The following BACH2 variants were observed in gnomAD, a reference collection of about 807,000 sequenced individuals.
BACH2 encodes BACH transcriptional regulator 2, also known as transcription regulator protein BACH2.
In BACH2, 5 loss-of-function variants were observed where a neutral mutation model predicts 61.8. That is an observed-to-expected ratio of 0.08 (90% confidence interval 0.04 to 0.17). The LOEUF (loss-of-function observed/expected upper bound fraction) is 0.17, where lower values mean the gene tolerates loss of function less well. BACH2 is among the 10% of genes least tolerant of loss of function. The probability of loss-of-function intolerance (pLI) is 1.00; values close to 1 mark genes in which losing one functional copy is unlikely to be tolerated. For synonymous variants in BACH2, 446 were observed against 440.1 expected, an observed-to-expected ratio of 1.01 and a Z score of -0.17; for missense variants, 824 against 1,091.1, an observed-to-expected ratio of 0.76 and a Z score of 3.45.
intron 5 of BACH2, chr6:90,080,730 C>CTT: frequency 1.0e-6 from 1 of 982,352 alleles, no homozygotes; most frequent in Non-Finnish European, 1.2e-6. Context: ...AAACAAAAGG[C>CTT]GTCAACCCTG....
At chr6:90,060,040 G>A (rs984419856) in intron 5 of BACH2, among the ~76,000 whole-genome samples, 8 of 150,938 alleles carry the variant, frequency 5.3e-5, no homozygotes, top group Non-Finnish European at 1.2e-4. Flanking sequence ...ACGAGTTAAT[G>A]GGTGCAGCAC....
In BACH2 at chr6:90,268,014, T is replaced by G. The variant is rs531016928; in HGVS notation, c.-353+3835A>C. ...TTTTCTGCACTTGCCTTTTTTGTTT[T>G]TTTTTTTTTTTCAAGACAGGGTCTT... On this transcript the variant is annotated intron_variant, in intron 2 of 8. Transcript: ENST00000257749. Among the ~76,000 whole-genome samples the G allele has an allele frequency of 2.0e-5, 3 of 151,220 alleles. No homozygotes were observed. In the East Asian group the frequency reaches 5.8e-4, roughly 29 times the overall value.
intron 6 of BACH2, among the ~76,000 whole-genome samples, chr6:89,986,135 G>T (rs1776224406): frequency 6.6e-6 from 1 of 152,206 alleles, no homozygotes; most frequent in Non-Finnish European, 1.5e-5. Flanking sequence ...CCTGCCTGTG[G>T]AGGGGATGGG....
Position 89,951,698 on chromosome 6 carries a change from A to G in BACH2, c.408T>C (p.Ser136=), listed in dbSNP as rs759074246. The G allele has an allele frequency of 8.7e-6, 14 of 1,613,984 alleles. No individual in the cohort carries two copies. The highest frequency in any genetic ancestry group is 1.7e-5 in the Admixed American group (1 of 59,996). ...FSFLQTQLLN[S]EDGLFVCRKD... ...TCCGGCACACAAACAGGCCATCCTCACTGTTCAGGAGCTGGGTCTGCAGGA... is the reference window on the plus strand; with the variant it reads ...TCCGGCACACAAACAGGCCATCCTCGCTGTTCAGGAGCTGGGTCTGCAGGA... Residue 136 remains serine (S), a synonymous_variant, in exon 7 of 9, where the codon AGT becomes AGC. Transcript: ENST00000257749. This position sits in a 1 kb window ranked among gnomAD's most constrained non-coding sequence, Gnocchi z 6.4.
intron 4 of BACH2, among the ~76,000 whole-genome samples, chr6:90,107,664 T>G (rs1363101270): frequency 3.1e-5 from 1 of 32,638 alleles, no homozygotes; most frequent in Non-Finnish European, 5.7e-5. Flanking sequence ...CTATTTGTGA[T>G]TTTTTTTTTT....
intron 6 of BACH2, among the ~76,000 whole-genome samples, chr6:89,997,438 C>T (rs1776910846): frequency 6.6e-6 from 1 of 152,190 alleles, no homozygotes; most frequent in South Asian, 2.1e-4. Context: ...ATCTTTCCAC[C>T]TTCCTATTTG....
chr6:89,943,221 C>T (rs1425604721), intron 7 of BACH2, among the ~76,000 whole-genome samples: 1 of 152,046 alleles, frequency 6.6e-6, no homozygotes, highest in Admixed American at 6.5e-5. Context: ...ACATATGTCT[C>T]CTTGCATGCT....
intron 3 of BACH2, among the ~76,000 whole-genome samples, chr6:90,226,124 G>A (rs949916450): frequency 1.3e-5 from 2 of 152,138 alleles, no homozygotes; most frequent in Non-Finnish European, 2.9e-5. Context: ...AGAAAAAGGG[G>A]TGAAACCAGG....
intron 4 of BACH2, among the ~76,000 whole-genome samples, chr6:90,159,699 T>C (rs565645004): frequency 1.2e-4 from 19 of 152,290 alleles, no homozygotes; most frequent in African/African-American, 4.3e-4. Flanking sequence ...GCTATTGTGG[T>C]AACCAGGAGA....
At chr6:90,228,099 T>C (rs551993228) in intron 3 of BACH2, among the ~76,000 whole-genome samples, 1 of 152,388 alleles carries the variant, frequency 6.6e-6, no homozygotes. Context: ...TCCAGTACAT[T>C]TGCAAACTTG....
At chr6:89,982,679 C>T (rs956365832) in intron 6 of BACH2, among the ~76,000 whole-genome samples, 9 of 152,184 alleles carry the variant, frequency 5.9e-5, no homozygotes, top group South Asian at 2.1e-4. Context: ...TTATAAAACA[C>T]GATTTTCCTA....
rs1382700688 is a variant in BACH2 at position 90,195,750 on chromosome 6, T to TCAG, written c.-162+10816_-162+10818dup. On this transcript the variant is annotated intron_variant, in intron 4 of 8. Coordinates refer to ENST00000257749, the MANE Select transcript of BACH2 (RefSeq NM_021813.4). ...TCTCTCTTTTTCAACAGCATGGCTC[T>TCAG]CAGCAGCAGCACATTAAAATCAAAT... Among the ~76,000 whole-genome samples, 6 of 152,338 alleles carry TCAG rather than the reference T, an allele frequency of 3.9e-5. No homozygotes were observed. In the East Asian group the frequency reaches 9.6e-4, roughly 24 times the overall value.
At position 89,930,326 on chromosome 6, in the gene BACH2, G is replaced by T. The variant is rs1772573326; in HGVS notation, c.*2082C>A. On this transcript the variant is annotated 3_prime_UTR_variant, in exon 9 of 9. Transcript: ENST00000257749. ...AACATTTAGTGCTAATATTTGTACA[G>T]AAAAAAGTTAATAATACTAAAACAT... The T allele has an allele frequency of 7.5e-6, 1 of 133,136 alleles. No homozygotes were observed. The highest frequency in any genetic ancestry group is 1.5e-5 in the Non-Finnish European group (1 of 64,894). The allele number at this position is 133,136 out of a possible 1,614,324, so 8.2% of individuals were successfully genotyped here. A position where few individuals can be genotyped will look rare whatever the true frequency, so the allele number is the denominator to read the frequency against.
At chr6:90,090,735 G>C (rs1038474882) in intron 4 of BACH2, among the ~76,000 whole-genome samples, 1 of 152,096 alleles carries the variant, frequency 6.6e-6, no homozygotes, top group African/African-American at 2.4e-5. Context: ...GCATGTGAGA[G>C]AATTCAGAAA....
At chr6:89,948,163 T>C (rs903697714) in intron 7 of BACH2, among the ~76,000 whole-genome samples, 6 of 152,124 alleles carry the variant, frequency 3.9e-5, no homozygotes, top group Admixed American at 2.0e-4. Context: ...TTTGAACATA[T>C]GCAAATGTCA....
At chr6:90,215,237 T>C (rs1477234167) in intron 3 of BACH2, among the ~76,000 whole-genome samples, 2 of 152,300 alleles carry the variant, frequency 1.3e-5, no homozygotes, top group Non-Finnish European at 1.5e-5. Flanking sequence ...ATGCAGGTAG[T>C]AGTGTAACTA....
intron 6 of BACH2, among the ~76,000 whole-genome samples, chr6:89,997,277 C>A (rs964548834): frequency 4.6e-5 from 7 of 152,166 alleles, no homozygotes; most frequent in African/African-American, 1.7e-4. Context: ...TACATGAACA[C>A]CTTGTGAATT....
intron 4 of BACH2, among the ~76,000 whole-genome samples, chr6:90,206,063 A>G (rs1468385011): frequency 1.3e-5 from 2 of 152,200 alleles, no homozygotes; most frequent in African/African-American, 4.8e-5. Context: ...AGCAGTAAAT[A>G]TGTATCAAGT....
At chr6:90,114,095 T>C (rs1175874833) in intron 4 of BACH2, among the ~76,000 whole-genome samples, 4 of 152,068 alleles carry the variant, frequency 2.6e-5, no homozygotes, top group Non-Finnish European at 5.9e-5. Flanking sequence ...ATGTACAAAG[T>C]AGAGCTGGTA....
Sources: gnomAD v4.1 joint callset for allele counts (sites outside exome capture counted in the v4.1 genomes callset) on GRCh38, gnomAD v4.1.1 for gene constraint, Gnocchi (gnomAD v3.1) non-coding constraint, MANE v1.5 for transcripts, NCBI Gene and HGNC (gene_info 2026-07-23, HGNC 2026-07-21) for gene names.